Variants in TMEM132D observed in about 807,000 individuals in gnomAD.
TMEM132D encodes mature OL transmembrane protein.
TMEM132D carries 21 observed loss-of-function variants against 62.3 expected under a neutral mutation model. That is an observed-to-expected ratio of 0.34 (90% CI 0.24 to 0.49). TMEM132D has a LOEUF of 0.49. TMEM132D is among the 20% of genes least tolerant of loss of function. The pLI is 0.99. For missense variants in TMEM132D, 1,346 were observed against 1,402.8 expected, an observed-to-expected ratio of 0.96 and a Z score of 0.65; for synonymous variants, 621 against 575.6, an observed-to-expected ratio of 1.08 and a Z score of -1.13.
intron 5 of TMEM132D, among the ~76,000 whole-genome samples, chr12:129,134,206 G>A (rs1451277718): frequency 6.6e-6 from 1 of 151,920 alleles, no homozygotes; most frequent in Non-Finnish European, 1.5e-5. Flanking sequence ...GTGTCTGTGT[G>A]TGTGCGTGTA....
At chr12:129,833,219 T>C (rs903221559) in intron 1 of TMEM132D, among the ~76,000 whole-genome samples, 2 of 152,226 alleles carry the variant, frequency 1.3e-5, no homozygotes, top group Non-Finnish European at 2.9e-5. Context: ...TTGTTTTTAA[T>C]GCAGGCCTCA....
chr12:129,761,041 A>G (rs1870358521), intron 1 of TMEM132D, among the ~76,000 whole-genome samples: 1 of 151,680 alleles, frequency 6.6e-6, no homozygotes, highest in East Asian at 1.9e-4. Flanking sequence ...GGGGAAAAGA[A>G]AAAAAAAACA....
chr12:129,629,088 C>T (rs1879292878), intron 2 of TMEM132D, among the ~76,000 whole-genome samples: 1 of 152,070 alleles, frequency 6.6e-6, no homozygotes. Flanking sequence ...CCAAGACTTA[C>T]CCACCTTCGT....
chr12:129,833,343 G>A (rs1003825170), intron 1 of TMEM132D, among the ~76,000 whole-genome samples: 1 of 152,166 alleles, frequency 6.6e-6, no homozygotes, highest in African/African-American at 2.4e-5. Flanking sequence ...GTTCATGCCT[G>A]TAATCCCAGC....
At chr12:129,535,655 C>CTAA (rs1485771890) in intron 2 of TMEM132D, among the ~76,000 whole-genome samples, 1 of 151,986 alleles carries the variant, frequency 6.6e-6, no homozygotes, top group Non-Finnish European at 1.5e-5. Context: ...GGCTATTGAA[C>CTAA]TAATACAAAT....
intron 1 of TMEM132D, among the ~76,000 whole-genome samples, chr12:129,786,836 A>T (rs1269610660): frequency 6.6e-6 from 1 of 152,204 alleles, no homozygotes; most frequent in Non-Finnish European, 1.5e-5. Context: ...GGTTGCAGTG[A>T]GCCAAGATAG....
chr12:129,076,044 T>C (rs1432598310), intron 8 of TMEM132D, among the ~76,000 whole-genome samples: 1 of 152,006 alleles, frequency 6.6e-6, no homozygotes, highest in African/African-American at 2.4e-5. Flanking sequence ...AGACAGCTGC[T>C]GCCATTAGAG....
intron 1 of TMEM132D, among the ~76,000 whole-genome samples, chr12:129,800,000 G>A (rs1016406421): frequency 5.9e-5 from 9 of 152,166 alleles, no homozygotes; most frequent in African/African-American, 9.7e-5. Flanking sequence ...CCTCAGGCAC[G>A]TGCGTACAGT....
intron 1 of TMEM132D, among the ~76,000 whole-genome samples, chr12:129,734,555 T>C (rs1869357663): frequency 6.6e-6 from 1 of 152,234 alleles, no homozygotes; most frequent in African/African-American, 2.4e-5. Context: ...AGTAACGCAA[T>C]ACTTTATCAA....
Position 129,073,957 on chromosome 12 carries a change from A to T in TMEM132D, c.3218T>A (p.Ile1073Asn), listed in dbSNP as rs2135601416. The change falls in exon 9 of 9, where the codon ATT becomes AAT. Residue 1073 changes from isoleucine (I) to asparagine (N), a missense_variant. Coordinates refer to ENST00000422113, the MANE Select transcript of TMEM132D (RefSeq NM_133448.3). ...NSIVMSSEDD[I>N]KWVCQDLDPG... is the part of the protein sequence containing the mutation. Reference sequence around the variant, plus strand: ...GTCCAGATCCTGGCAGACCCACTTAATGTCATCCTCGCTACTCATCACGAT... The same window carrying T: ...GTCCAGATCCTGGCAGACCCACTTATTGTCATCCTCGCTACTCATCACGAT... 2 of 1,611,868 alleles carry T rather than the reference A, an allele frequency of 1.2e-6. No individual in the cohort carries two copies. The highest frequency in any genetic ancestry group is 1.7e-6 in the Non-Finnish European group (2 of 1,178,836).
intron 1 of TMEM132D, among the ~76,000 whole-genome samples, chr12:129,881,739 A>C (rs1874603960): frequency 6.6e-6 from 1 of 152,010 alleles, no homozygotes; most frequent in Admixed American, 6.6e-5. Flanking sequence ...TAAGATAAAG[A>C]GGAGAAAATT....
chr12:129,512,298 A>C (rs12300821), intron 3 of TMEM132D, among the ~76,000 whole-genome samples: 1,967 of 152,326 alleles, frequency 0.013, 38 homozygotes, highest in African/African-American at 0.045. Context: ...TGGTGTCATC[A>C]GAGTAAATCT....
At chr12:129,321,060 A>G (rs1868689144) in intron 4 of TMEM132D, among the ~76,000 whole-genome samples, 1 of 152,118 alleles carries the variant, frequency 6.6e-6, no homozygotes, top group Non-Finnish European at 1.5e-5. Context: ...TATCATCTAT[A>G]TTCATAACCA....
chr12:129,365,272 C>T (rs754065767), intron 3 of TMEM132D, among the ~76,000 whole-genome samples: 2 of 152,098 alleles, frequency 1.3e-5, no homozygotes, highest in Non-Finnish European at 2.9e-5. Flanking sequence ...CTGTGAGTGA[C>T]ATGAACTGTT....
chr12:129,091,362 C>A (rs1357881890), intron 5 of TMEM132D, among the ~76,000 whole-genome samples: 1 of 151,304 alleles, frequency 6.6e-6, no homozygotes, highest in Non-Finnish European at 1.5e-5. Context: ...GCTCTGGGGA[C>A]CCTTCCTAAG....
chr12:129,368,307 T>C (rs562017972), intron 3 of TMEM132D, among the ~76,000 whole-genome samples: 1 of 152,272 alleles, frequency 6.6e-6, no homozygotes, highest in African/African-American at 2.4e-5. Flanking sequence ...ACATCATGTA[T>C]AAATACACCT....
chr12:129,365,605 C>A (rs745502713), intron 3 of TMEM132D, among the ~76,000 whole-genome samples: 13 of 152,130 alleles, frequency 8.5e-5, no homozygotes, highest in Admixed American at 3.9e-4. Context: ...GAAGAGACCC[C>A]TTCTGCACTG....
chr12:129,188,608 A>C (rs140023433), intron 5 of TMEM132D, among the ~76,000 whole-genome samples: 150 of 152,230 alleles, frequency 9.9e-4, no homozygotes, highest in Middle Eastern at 3.4e-3. Flanking sequence ...GGGCTTGTGG[A>C]GACACATACT....
chr12:129,307,248 G>A (rs1246961967), intron 4 of TMEM132D, among the ~76,000 whole-genome samples: 2 of 152,142 alleles, frequency 1.3e-5, no homozygotes, highest in African/African-American at 4.8e-5. Context: ...CCTATGAAAA[G>A]AGTATAATCC....
Sources: allele counts gnomAD v4.1 joint callset (sites outside exome capture counted in the v4.1 genomes callset), GRCh38; gene constraint gnomAD v4.1.1; transcripts MANE v1.5; gene names NCBI Gene and HGNC (gene_info 2026-07-23, HGNC 2026-07-21).